Variants in PCCA observed in about 807,000 individuals in gnomAD.
PCCA encodes the protein propionyl-CoA carboxylase alpha chain, mitochondrial.
In PCCA, 74 loss-of-function variants were observed where a neutral mutation model predicts 101.3. The ratio of observed to expected loss-of-function variants is 0.73; its 90% CI spans 0.61 to 0.89. The LOEUF is 0.89. PCCA is among the 40% of genes least tolerant of loss of function. The pLI is 0.00. For synonymous variants in PCCA, 294 were observed against 313.6 expected, an observed-to-expected ratio of 0.94 and a Z score of 0.66; for missense variants, 891 against 907.0, an observed-to-expected ratio of 0.98 and a Z score of 0.23.
intron 8 of PCCA, among the ~76,000 whole-genome samples, chr13:100,238,225 C>A (rs1414031278): frequency 1.3e-5 from 2 of 152,140 alleles, no homozygotes; most frequent in Non-Finnish European, 2.9e-5. Flanking sequence ...CAGGCATAAG[C>A]CAGTGCACCT....
chr13:100,122,494 C>T (rs2049505575), intron 4 of PCCA, among the ~76,000 whole-genome samples: 1 of 152,142 alleles, frequency 6.6e-6, no homozygotes, highest in Non-Finnish European at 1.5e-5. Flanking sequence ...ATTGTTAAAT[C>T]TACCTTTTTA....
intron 19 of PCCA, among the ~76,000 whole-genome samples, chr13:100,389,196 G>A (rs2076678323): frequency 6.6e-6 from 1 of 152,120 alleles, no homozygotes; most frequent in African/African-American, 2.4e-5. Flanking sequence ...ACACGGAGGT[G>A]GTTAGGGGAG....
chr13:100,139,524 G>C (rs1413498733), intron 4 of PCCA, among the ~76,000 whole-genome samples: 1 of 151,618 alleles, frequency 6.6e-6, no homozygotes, highest in Non-Finnish European at 1.5e-5. Context: ...AGCCCATCCA[G>C]TATGTTTTTT....
At chr13:100,339,964 G>A (rs950154673) in intron 17 of PCCA, among the ~76,000 whole-genome samples, 193 bp from the exon 18 acceptor site, 3 of 152,162 alleles carry the variant, frequency 2.0e-5, no homozygotes, top group African/African-American at 4.8e-5. Flanking sequence ...CTTCCCGTGA[G>A]CAGGATTTTG....
At chr13:100,449,589 C>A (rs540574327) in intron 21 of PCCA, among the ~76,000 whole-genome samples, 1 of 152,136 alleles carries the variant, frequency 6.6e-6, no homozygotes, top group Non-Finnish European at 1.5e-5. Flanking sequence ...CGGGTTCAAG[C>A]GATTCTCGTG....
intron 14 of PCCA, among the ~76,000 whole-genome samples, chr13:100,303,857 A>T (rs1049245275): frequency 4.6e-5 from 7 of 152,218 alleles, no homozygotes; most frequent in Admixed American, 3.9e-4. Context: ...TGCTGTGTTC[A>T]AAGCCAGAAG....
intron 19 of PCCA, among the ~76,000 whole-genome samples, chr13:100,412,312 G>A (rs567324304): frequency 2.5e-4 from 38 of 152,176 alleles, no homozygotes; most frequent in Non-Finnish European, 5.1e-4. Context: ...GTATTAAAGG[G>A]TAATGGGACA....
chr13:100,379,791 C>G (rs1218365451), intron 19 of PCCA, among the ~76,000 whole-genome samples: 2 of 152,078 alleles, frequency 1.3e-5, no homozygotes. Context: ...GAAGACCCAC[C>G]CCCGTGATTC....
intron 8 of PCCA, among the ~76,000 whole-genome samples, chr13:100,252,177 C>T (rs1253303952): frequency 6.6e-6 from 1 of 152,136 alleles, no homozygotes; most frequent in African/African-American, 2.4e-5. Context: ...GGTCCTATTA[C>T]CCATATCAGG....
At chr13:100,488,529 C>T (rs1390143213) in intron 21 of PCCA, among the ~76,000 whole-genome samples, 2 of 151,962 alleles carry the variant, frequency 1.3e-5, no homozygotes, top group Non-Finnish European at 2.9e-5. Context: ...ATCCCAATAC[C>T]TTGGAGGCTG....
At chr13:100,111,398 TGATC>T (rs2048308642) in intron 2 of PCCA, among the ~76,000 whole-genome samples, 1 of 151,960 alleles carries the variant, frequency 6.6e-6, no homozygotes, top group Non-Finnish European at 1.5e-5. Context: ...CCTGACCTCG[TGATC>T]CACCTGCCTT....
intron 21 of PCCA, among the ~76,000 whole-genome samples, chr13:100,471,971 G>A (rs7995634): frequency 0.1 from 15,782 of 152,102 alleles, 1,369 homozygotes; most frequent in African/African-American, 0.23. Flanking sequence ...GTAGGCAGGC[G>A]GACACTTGGA....
At position 100,098,607 on chromosome 13, in the gene PCCA, A is replaced by G. The variant is rs572770428; in HGVS notation, c.106-4276A>G. Among the ~76,000 whole-genome samples, 3 of 152,304 alleles carry G rather than the reference A, an allele frequency of 2.0e-5. No individual in the cohort carries two copies. In the East Asian group the frequency reaches 5.8e-4, roughly 29 times the overall value. ...GTGAGCCGTTAGTTGTCAACACAGC[A>G]GTTAGAGAGGATCTGAGTGGCCACT... On this transcript the variant is annotated intron_variant, in intron 1 of 23. Transcript: ENST00000376285.
Position 100,403,000 on chromosome 13 carries a change from ATT to A in PCCA, c.1747-22618_1747-22617del, listed in dbSNP as rs752322601. 2.8e-4 allele frequency among the ~76,000 whole-genome samples: 41 copies of A among 144,580 alleles called. No individual in the cohort carries two copies. The East Asian group carries it at 4.8e-3, about 17-fold the overall frequency. 94.9% of individuals were successfully genotyped at this position (144,580 alleles called of 152,430 possible). A position where few individuals can be genotyped will look rare whatever the true frequency, so the allele number is the denominator to read the frequency against. On this transcript the variant is annotated intron_variant, in intron 19 of 23. Coordinates refer to ENST00000376285, the MANE Select transcript of PCCA (RefSeq NM_000282.4). ...CCCAGAGGACCATGTGGAGAACTTA[ATT>A]TTTTTTTTTTTTTTAATTAAGCAAC...
chr13:100,307,741 T>C (rs1326681650), intron 15 of PCCA, among the ~76,000 whole-genome samples: 1 of 152,248 alleles, frequency 6.6e-6, no homozygotes, highest in Non-Finnish European at 1.5e-5. Flanking sequence ...TTTGCCCACC[T>C]GTCTTTTTGA....
chr13:100,170,679 G>T (rs1361370328), intron 6 of PCCA, among the ~76,000 whole-genome samples: 2 of 152,128 alleles, frequency 1.3e-5, no homozygotes, highest in Admixed American at 1.3e-4. Context: ...TGATTGTTGA[G>T]TGCAGATAAA....
At chr13:100,314,080 A>G (rs1452413217) in intron 16 of PCCA, among the ~76,000 whole-genome samples, 3 of 152,102 alleles carry the variant, frequency 2.0e-5, no homozygotes, top group Non-Finnish European at 4.4e-5. Flanking sequence ...AGAATGTGGC[A>G]CATTCTAGAT....
Position 100,527,785 on chromosome 13 carries a change from G to C in PCCA, c.2118+33G>C, listed in dbSNP as rs775489041. 1.3e-4 allele frequency: 188 copies of C among 1,486,442 alleles called. 1 individual carries two copies. Among genetic ancestry groups the C allele is most frequent in the Admixed American group, 7.2e-4 (43 of 59,848 alleles). 92.1% of individuals were successfully genotyped at this position (1,486,442 alleles called of 1,614,324 possible). On this transcript the variant is annotated intron_variant, in intron 23 of 23. Coordinates refer to ENST00000376285, the MANE Select transcript of PCCA (RefSeq NM_000282.4). ...CCTAAGTCCCCATCAGCCCAGGCCG[G>C]CCCTGTGATGGAGGAACGCCCACCT...
intron 7 of PCCA, among the ~76,000 whole-genome samples, chr13:100,221,746 A>ATTTTTTTT (rs3034654): frequency 3.3e-5 from 4 of 121,576 alleles, no homozygotes; most frequent in African/African-American, 9.8e-5. Flanking sequence ...TCCCTGGGAA[A>ATTTTTTTT]TTTTTTTTTT....
Sources: allele counts gnomAD v4.1 joint callset (sites outside exome capture counted in the v4.1 genomes callset), GRCh38; gene constraint gnomAD v4.1.1; transcripts MANE v1.5; gene names NCBI Gene and HGNC (gene_info 2026-07-23, HGNC 2026-07-21).